Variants in ASPSCR1 observed in about 807,000 individuals in gnomAD.
The protein encoded by ASPSCR1 is tether containing UBX domain for GLUT4.
In ASPSCR1, 55 loss-of-function variants were observed where a neutral mutation model predicts 68.9. The observed-to-expected ratio is 0.80, with a 90% CI of 0.64 to 1.00. The LOEUF is 1.00. Among genes scored for constraint, ASPSCR1 ranks in the 50% least tolerant of loss-of-function variants. ASPSCR1 has a pLI of 0.00. For missense variants in ASPSCR1, 765 were observed against 762.2 expected (o/e 1.00, Z -0.04); for synonymous variants, 352 against 332.6 (o/e 1.06, Z -0.63).
chr17:81,983,810 CCAAA>C lies in ASPSCR1; in HGVS notation c.273+145_273+148del, dbSNP rs2041876384. On this transcript the variant is annotated intron_variant, in intron 3 of 15. Coordinates refer to ENST00000306739, the MANE Select transcript of ASPSCR1 (RefSeq NM_024083.4). The surrounding 1 kb of genome is among the most constrained non-coding windows in gnomAD (Gnocchi z 4.4). Reference sequence around the variant, plus strand: ...CAGTTCTGCCTTCCCTGGGTTGGGCCCAAACAGCTTCCTGTTTTTTGATAACTGG... The same window carrying C: ...CAGTTCTGCCTTCCCTGGGTTGGGCCCAGCTTCCTGTTTTTTGATAACTGG... 3.0e-6 allele frequency: 2 copies of C among 656,712 alleles called. No homozygotes were observed. The highest frequency in any genetic ancestry group is 5.1e-6 in the Non-Finnish European group (2 of 389,562). 40.7% of individuals were successfully genotyped at this position (656,712 alleles called of 1,614,324 possible).
rs2041654302 is a variant in ASPSCR1 at position 81,977,836 on chromosome 17, C to T, written c.102+88C>T. 1 of 1,017,440 alleles carries T rather than the reference C, an allele frequency of 9.8e-7. No homozygotes were observed. Among genetic ancestry groups the T allele is most frequent in the Non-Finnish European group, 1.2e-6 (1 of 805,762 alleles). The allele number at this position is 1,017,440 out of a possible 1,614,324, so 63.0% of individuals were successfully genotyped here. On this transcript the variant is annotated intron_variant, in intron 1 of 15. Coordinates refer to ENST00000306739, the MANE Select transcript of ASPSCR1 (RefSeq NM_024083.4). This position sits in a 1 kb window ranked among gnomAD's most constrained non-coding sequence, Gnocchi z 5.0. ...CCATTGCGGTCGGCGTCCCGGTGTT[C>T]GGGGGCGGGGCCTCGGCGGCCAATG...
chr17:81,994,616 C>T (rs2042276102), intron 4 of ASPSCR1, among the ~76,000 whole-genome samples: 1 of 152,218 alleles, frequency 6.6e-6, no homozygotes, highest in Admixed American at 6.5e-5. Context: ...GGGAGCGCCC[C>T]CGGCTGTCAG....
chr17:81,995,912 TG>T, intron 5 of ASPSCR1, 79 bp from the exon 6 acceptor site: 1 of 1,407,514 alleles, frequency 7.1e-7, no homozygotes, highest in Non-Finnish European at 9.8e-7. Context: ...GTGGTCCTGG[TG>T]GTGCCGGTGC....
chr17:81,995,110 G>A (rs2042294434), intron 5 of ASPSCR1: 1 of 531,952 alleles, frequency 1.9e-6, no homozygotes, highest in South Asian at 2.6e-5. Flanking sequence ...AAGCCCAAGA[G>A]TCACAAAAGT....
intron 12 of ASPSCR1, chr17:82,015,328 C>T (rs2043086387): frequency 6.3e-7 from 1 of 1,598,152 alleles, no homozygotes; most frequent in Non-Finnish European, 8.5e-7. Context: ...CGAGTCAAGG[C>T]TGGGCACAAG....
intron 2 of ASPSCR1, among the ~76,000 whole-genome samples, chr17:81,981,420 A>T (rs1233951815): frequency 6.6e-6 from 1 of 151,988 alleles, no homozygotes; most frequent in Non-Finnish European, 1.5e-5. Flanking sequence ...GCTCTGTCAC[A>T]CAGGCTGTAG....
chr17:81,995,770 C>G (rs763359774), intron 5 of ASPSCR1, among the ~76,000 whole-genome samples: 4 of 152,346 alleles, frequency 2.6e-5, no homozygotes, highest in Admixed American at 6.5e-5. Context: ...GGGGGAGACA[C>G]GGTCAGGCAT....
At chr17:81,980,125 G>A (rs1243125962) in intron 2 of ASPSCR1, among the ~76,000 whole-genome samples, 3 of 152,142 alleles carry the variant, frequency 2.0e-5, no homozygotes, top group African/African-American at 7.2e-5. Context: ...TGAGATTAGA[G>A]GTGCTCACCA....
Position 81,987,679 on chromosome 17 carries a change from A to C in ASPSCR1, c.374+2072A>C, listed in dbSNP as rs1380575440. ...ACTTTGTAAACCTCGTGTGAAACTT[A>C]GTTTAAGAAACAACAGGCTTGGCCA... is the stretch of plus-strand genomic sequence containing the variant. On this transcript the variant is annotated intron_variant, in intron 4 of 15. Coordinates refer to ENST00000306739, the MANE Select transcript of ASPSCR1 (RefSeq NM_024083.4). This position sits in a 1 kb window ranked among gnomAD's most constrained non-coding sequence, Gnocchi z 5.6. Among the ~76,000 whole-genome samples the C allele has an allele frequency of 6.6e-6, 1 of 152,158 alleles. No individual in the cohort carries two copies. Among genetic ancestry groups the C allele is most frequent in the Non-Finnish European group, 1.5e-5 (1 of 68,030 alleles).
chr17:81,990,314 G>A lies in ASPSCR1; in HGVS notation c.375-4507G>A, dbSNP rs953115154. Among the ~76,000 whole-genome samples, 1 of 152,204 alleles carries A rather than the reference G, an allele frequency of 6.6e-6. No individual in the cohort carries two copies. Among genetic ancestry groups the A allele is most frequent in the Non-Finnish European group, 1.5e-5 (1 of 68,042 alleles). On this transcript the variant is annotated intron_variant, in intron 4 of 15. Transcript: ENST00000306739. This position sits in a 1 kb window ranked among gnomAD's most constrained non-coding sequence, Gnocchi z 4.1. ...TCGTGGACTGGGCGCTCTCCACTCT[G>A]CTTCTCAGGCTCTGCTGCAGGGAGG...
intron 2 of ASPSCR1, among the ~76,000 whole-genome samples, chr17:81,980,255 AC>A (rs2041754606): frequency 6.6e-6 from 1 of 152,248 alleles, no homozygotes; most frequent in African/African-American, 2.4e-5. Context: ...TACTGGGATT[AC>A]AGAGATGAGT....
intron 12 of ASPSCR1, chr17:82,015,229 C>T: frequency 6.3e-7 from 1 of 1,598,248 alleles, no homozygotes; most frequent in Non-Finnish European, 8.5e-7. Context: ...AGAGGCCGAG[C>T]CTCTCCAAGC....
intron 13 of ASPSCR1, 22 bp from the exon 14 acceptor site, chr17:82,016,778 G>T (rs1260661981): frequency 6.2e-7 from 1 of 1,605,286 alleles, no homozygotes; most frequent in East Asian, 2.2e-5. Context: ...GAGGCTCAGG[G>T]TGAGCTTGGG....
Position 81,977,891 on chromosome 17 carries a change from C to T in ASPSCR1, c.102+143C>T, listed in dbSNP as rs1309097175. On this transcript the variant is annotated intron_variant, in intron 1 of 15. Coordinates refer to ENST00000306739, the MANE Select transcript of ASPSCR1 (RefSeq NM_024083.4). This position sits in a 1 kb window ranked among gnomAD's most constrained non-coding sequence, Gnocchi z 5.0. ...GCCTCCTGAGCGGCGGCCCCGCCCC[C>T]TGCTCGCCGTCACCTGCGCTTCCGC... is the stretch of plus-strand genomic sequence containing the variant. 1 of 535,276 alleles carries T rather than the reference C, an allele frequency of 1.9e-6. No homozygotes were observed. The highest frequency in any genetic ancestry group is 2.7e-6 in the Non-Finnish European group (1 of 370,052). The allele number at this position is 535,276 out of a possible 1,614,324, so 33.2% of individuals were successfully genotyped here.
rs555554075 is a variant in ASPSCR1 at position 81,986,383 on chromosome 17, C to T, written c.374+776C>T. On this transcript the variant is annotated intron_variant, in intron 4 of 15. Coordinates refer to ENST00000306739, the MANE Select transcript of ASPSCR1 (RefSeq NM_024083.4). The surrounding 1 kb of genome is among the most constrained non-coding windows in gnomAD (Gnocchi z 5.2). ...GGAGGCAGTTGCAGTGAGCCGAGAT[C>T]GCACTGCTGCACTCCAGCCTGGGCA... 1.3e-5 allele frequency among the ~76,000 whole-genome samples: 2 copies of T among 152,198 alleles called. No homozygotes were observed. Among genetic ancestry groups the T allele is most frequent in the African/African-American group, 2.4e-5 (1 of 41,520 alleles).
chr17:81,994,912 C>A (rs2042286508), intron 5 of ASPSCR1, 34 bp downstream of exon 5: 1 of 1,586,800 alleles, frequency 6.3e-7, no homozygotes, highest in South Asian at 1.1e-5. Flanking sequence ...CCAGTCCCCG[C>A]TCACTTTCAG....
Position 81,999,386 on chromosome 17 carries a change from G to T in ASPSCR1, c.933+2540G>T, listed in dbSNP as rs1297508260. Among the ~76,000 whole-genome samples the T allele has an allele frequency of 6.6e-6, 1 of 152,220 alleles. No homozygotes were observed. Among genetic ancestry groups the T allele is most frequent in the Non-Finnish European group, 1.5e-5 (1 of 68,034 alleles). On this transcript the variant is annotated intron_variant, in intron 7 of 15. Transcript: ENST00000306739. This position sits in a 1 kb window ranked among gnomAD's most constrained non-coding sequence, Gnocchi z 4.4. ...TCACACCTGTAATCCCAGCAGTTTG[G>T]GAGACCGAGGTGGGCAGATCACCTG... is the stretch of plus-strand genomic sequence containing the variant.
At chr17:82,016,360 C>A in intron 12 of ASPSCR1, 116 bp from the exon 13 acceptor site, 3 of 926,112 alleles carry the variant, frequency 3.2e-6, no homozygotes, top group East Asian at 2.6e-5. Context: ...GGGGGCCGGG[C>A]AGGCAGAGCC....
intron 3 of ASPSCR1, among the ~76,000 whole-genome samples, chr17:81,984,941 A>G (rs1228379422): frequency 1.2e-5 from 1 of 80,132 alleles, no homozygotes; most frequent in African/African-American, 5.0e-5. Context: ...CCACACCCGC[A>G]CACACCCGCA....
Sources: allele counts gnomAD v4.1 joint callset (sites outside exome capture counted in the v4.1 genomes callset), GRCh38; gene constraint gnomAD v4.1.1; non-coding constraint Gnocchi (gnomAD v3.1); transcripts MANE v1.5; gene names NCBI Gene and HGNC (gene_info 2026-07-23, HGNC 2026-07-21).